PHACTR1: variants seen among roughly 807,000 people sequenced by gnomAD.
The protein encoded by PHACTR1 is phosphatase and actin regulator 1, also known as RPEL repeat containing 1.
A neutral mutation model predicts 69.2 loss-of-function variants in PHACTR1; 16 were observed. That is an observed-to-expected ratio of 0.23 (90% CI 0.16 to 0.35). The LOEUF (loss-of-function observed/expected upper bound fraction) is 0.35, where lower values mean the gene tolerates loss of function less well. Ranked by LOEUF, PHACTR1 falls within the 10% of genes least tolerant of loss-of-function variation. The pLI, the probability that PHACTR1 is intolerant of heterozygous loss-of-function variation, is 1.00. For synonymous variants in PHACTR1, 312 were observed against 284.5 expected (o/e 1.10, Z -0.97); for missense variants, 510 against 734.7 (o/e 0.69, Z 3.54).
intron 7 of PHACTR1, among the ~76,000 whole-genome samples, chr6:13,195,573 A>G (rs1764247273): frequency 1.3e-5 from 2 of 151,980 alleles, no homozygotes; most frequent in South Asian, 2.1e-4. Flanking sequence ...CCTGGCCAAC[A>G]TGGTGAAACC....
intron 8 of PHACTR1, among the ~76,000 whole-genome samples, chr6:13,227,135 C>T (rs1283670003): frequency 1.3e-5 from 2 of 152,146 alleles, no homozygotes; most frequent in African/African-American, 4.8e-5. Context: ...GAAAACTGAC[C>T]TGCAAAATAT....
At chr6:12,860,023 A>G (rs1041982749) in intron 4 of PHACTR1, among the ~76,000 whole-genome samples, 2 of 152,116 alleles carry the variant, frequency 1.3e-5, no homozygotes, top group Middle Eastern at 6.8e-3. Context: ...TATTATTATT[A>G]TTAAGTTCTG....
chr6:13,201,713 T>C (rs1765262053), intron 7 of PHACTR1, among the ~76,000 whole-genome samples: 1 of 152,202 alleles, frequency 6.6e-6, no homozygotes, highest in Non-Finnish European at 1.5e-5. Context: ...GAATGACAGA[T>C]AATATGCAGC....
At chr6:12,779,040 A>G (rs1770462764) in intron 4 of PHACTR1, among the ~76,000 whole-genome samples, 1 of 152,178 alleles carries the variant, frequency 6.6e-6, no homozygotes, top group African/African-American at 2.4e-5. Context: ...TTTATATTAA[A>G]AAGTCAGAGA....
At chr6:12,898,394 C>A (rs553976487) in intron 4 of PHACTR1, among the ~76,000 whole-genome samples, 1 of 152,250 alleles carries the variant, frequency 6.6e-6, no homozygotes, top group South Asian at 2.1e-4. Context: ...ACAGACCCCA[C>A]AACCCCAACA....
intron 9 of PHACTR1, among the ~76,000 whole-genome samples, chr6:13,229,373 C>T (rs73355347): frequency 2.8e-4 from 42 of 152,254 alleles, no homozygotes; most frequent in African/African-American, 1.0e-3. Context: ...GGTTGAGAAC[C>T]ACTGATTTAT....
chr6:13,016,770 C>T (rs1262308939), intron 4 of PHACTR1, among the ~76,000 whole-genome samples: 2 of 152,070 alleles, frequency 1.3e-5, no homozygotes, highest in Non-Finnish European at 2.9e-5. Context: ...TGTTTCCTTC[C>T]GTCTTTGCTG....
intron 12 of PHACTR1, chr6:13,279,436 A>G (rs1562116929): frequency 6.6e-6 from 1 of 152,226 alleles, no homozygotes; most frequent in East Asian, 1.9e-4. Context: ...AGCTACAGTT[A>G]AGAGGCCCAT....
At chr6:12,851,886 G>A (rs914727453) in intron 4 of PHACTR1, among the ~76,000 whole-genome samples, 2 of 151,910 alleles carry the variant, frequency 1.3e-5, no homozygotes, top group African/African-American at 4.8e-5. Context: ...CCAGACTGGA[G>A]TGCAGTGGTG....
At chr6:12,842,000 A>G (rs1232988175) in intron 4 of PHACTR1, among the ~76,000 whole-genome samples, 2 of 152,186 alleles carry the variant, frequency 1.3e-5, no homozygotes, top group African/African-American at 4.8e-5. Context: ...CATCACTCAA[A>G]ACAATCATGT....
At chr6:12,760,825 C>T (rs185042204) in intron 4 of PHACTR1, among the ~76,000 whole-genome samples, 3 of 152,212 alleles carry the variant, frequency 2.0e-5, no homozygotes, top group East Asian at 1.9e-4. Flanking sequence ...CCCAACTACT[C>T]GGGAGGCTGA....
rs145460702 is a variant in PHACTR1, at chr6:12,919,048, G to A, written c.251-134317G>A. ...TTGCCATGTTGCCCAGGCTGGTCTC[G>A]AACTCCTGAGCTCAAGTGATCCACT... is the stretch of plus-strand genomic sequence containing the variant. On this transcript the variant is annotated intron_variant, in intron 4 of 14. Transcript: ENST00000332995. Among the ~76,000 whole-genome samples the A allele has an allele frequency of 3.4e-3, 522 of 152,114 alleles. 5 individuals are homozygous for A. In the East Asian group the frequency reaches 0.055, roughly 16 times the overall value.
At chr6:13,157,537 T>C (rs1039808863) in intron 5 of PHACTR1, among the ~76,000 whole-genome samples, 1 of 152,154 alleles carries the variant, frequency 6.6e-6, no homozygotes, top group African/African-American at 2.4e-5. Context: ...GATGGCTGAG[T>C]GCTTAGCCTG....
Position 12,899,103 on chromosome 6 carries a change from C to T in PHACTR1, c.250+149313C>T, listed in dbSNP as rs190293561. Among the ~76,000 whole-genome samples, 4 of 152,286 alleles carry T rather than the reference C, an allele frequency of 2.6e-5. No individual in the cohort carries two copies. In the East Asian group the frequency reaches 5.8e-4, roughly 22 times the overall value. On this transcript the variant is annotated intron_variant, in intron 4 of 14. Transcript: ENST00000332995. ...CCTGCATTCTCCCAGAGCACCTGTG[C>T]GTGCTTCCCTCACATCACTTCTTAC...
intron 10 of PHACTR1, among the ~76,000 whole-genome samples, chr6:13,236,743 C>T (rs1772048587): frequency 1.3e-5 from 2 of 152,128 alleles, no homozygotes; most frequent in Non-Finnish European, 2.9e-5. Flanking sequence ...AATAAGGGGA[C>T]ATTCTGAGGT....
chr6:12,867,735 A>G (rs1312924361), intron 4 of PHACTR1, among the ~76,000 whole-genome samples: 1 of 152,228 alleles, frequency 6.6e-6, no homozygotes. Context: ...TCAGGTGACT[A>G]CATTGCAAGA....
chr6:12,967,886 T>G (rs1282517409), intron 4 of PHACTR1, among the ~76,000 whole-genome samples: 4 of 152,206 alleles, frequency 2.6e-5, no homozygotes, highest in Non-Finnish European at 1.5e-5. Flanking sequence ...CCAAGAAAGC[T>G]TTTATGAGCC....
Position 13,054,049 on chromosome 6 carries a change from T to G in PHACTR1, c.415+520T>G, listed in dbSNP as rs2127737894. ...GATAACTGTACGGTTTGTGGCTCAA[T>G]GGACAGCAAAGAAATGTGGGGGAAA... is the stretch of plus-strand genomic sequence containing the variant. On this transcript the variant is annotated intron_variant, in intron 5 of 14. Coordinates refer to ENST00000332995, the MANE Select transcript of PHACTR1 (RefSeq NM_030948.6). 3.3e-5 allele frequency among the ~76,000 whole-genome samples: 5 copies of G among 152,260 alleles called. No homozygotes were observed. The South Asian group carries it at 1.0e-3, about 32-fold the overall frequency.
At chr6:13,086,763 C>T (rs1227398424) in intron 5 of PHACTR1, among the ~76,000 whole-genome samples, 1 of 152,092 alleles carries the variant, frequency 6.6e-6, no homozygotes, top group African/African-American at 2.4e-5. Context: ...TATGTACATA[C>T]ATGTTTTTAT....
Sources: allele counts gnomAD v4.1 joint callset (sites outside exome capture counted in the v4.1 genomes callset), GRCh38; gene constraint gnomAD v4.1.1; transcripts MANE v1.5; gene names NCBI Gene and HGNC (gene_info 2026-07-23, HGNC 2026-07-21).